The following DPF3 variants were observed in gnomAD, a reference collection of about 807,000 sequenced individuals.
DPF3 encodes zinc finger protein DPF3.
A neutral mutation model predicts 56.8 loss-of-function variants in DPF3; 18 were observed. That is an observed-to-expected ratio of 0.32 (90% CI 0.22 to 0.47). The LOEUF (loss-of-function observed/expected upper bound fraction) is 0.47. Among genes scored for constraint, DPF3 ranks in the 20% least tolerant of loss-of-function variants. The pLI, the probability that DPF3 is intolerant of heterozygous loss-of-function variation, is 1.00. For missense variants in DPF3, 403 were observed against 488.8 expected (o/e 0.82, Z 1.65); for synonymous variants, 188 against 180.2 (o/e 1.04, Z -0.35).
intron 4 of DPF3, among the ~76,000 whole-genome samples, chr14:72,724,612 G>T (rs1889317311): frequency 6.6e-6 from 1 of 152,040 alleles, no homozygotes; most frequent in Non-Finnish European, 1.5e-5. Flanking sequence ...ATAAAAGACT[G>T]TAGCAGAGGA....
chr14:72,647,144 G>C (rs1885751294), intron 8 of DPF3, among the ~76,000 whole-genome samples: 1 of 152,194 alleles, frequency 6.6e-6, no homozygotes, highest in Non-Finnish European at 1.5e-5. Context: ...TCTATTATGA[G>C]GATCAAGACC....
intron 8 of DPF3, among the ~76,000 whole-genome samples, chr14:72,664,263 C>A (rs772862247): frequency 6.6e-6 from 1 of 152,114 alleles, no homozygotes; most frequent in Non-Finnish European, 1.5e-5. Context: ...TTACCTGCCA[C>A]TCTGTAGTGA....
intron 5 of DPF3, among the ~76,000 whole-genome samples, chr14:72,720,400 A>G (rs1455400472): frequency 6.6e-6 from 1 of 152,186 alleles, no homozygotes; most frequent in Non-Finnish European, 1.5e-5. Context: ...CAGCAGCTTC[A>G]CACACCCCAG....
In DPF3 at chr14:72,614,893, C is replaced by T. The variant is rs1204722176; in HGVS notation, c.*4404G>A. 6.6e-6 allele frequency among the ~76,000 whole-genome samples: 1 copy of T among 151,596 alleles called. No homozygotes were observed. Among genetic ancestry groups the T allele is most frequent in the Non-Finnish European group, 1.5e-5 (1 of 67,912 alleles). ...TCTCTGCCTTTTTCCACCAGAGATC[C>T]TCACCCCTCCCAAATGCCCTCCCAC... is the stretch of plus-strand genomic sequence containing the variant. On this transcript the variant is annotated 3_prime_UTR_variant, in exon 11 of 11. Coordinates refer to ENST00000556509, the MANE Select transcript of DPF3 (RefSeq NM_001280542.3).
intron 1 of DPF3, among the ~76,000 whole-genome samples, chr14:72,854,300 G>C (rs1885098153): frequency 6.8e-6 from 1 of 146,488 alleles, no homozygotes; most frequent in Non-Finnish European, 1.5e-5. Flanking sequence ...AGGTTGCAGT[G>C]AGCCGAGATC....
At chr14:72,758,661 T>C (rs1002018282) in intron 2 of DPF3, among the ~76,000 whole-genome samples, 1 of 152,164 alleles carries the variant, frequency 6.6e-6, no homozygotes, top group Admixed American at 6.5e-5. Context: ...ATAGTCTGTT[T>C]CCACCAGCCA....
In DPF3 at chr14:72,824,876, C is replaced by G. The variant is rs140847002; in HGVS notation, c.33-52983G>C. ...CGTGAGCTACCACGACCAGCCTACG[C>G]TTTCCTATATGCCTTTTTTTTTATT... On this transcript the variant is annotated intron_variant, in intron 1 of 10. Coordinates refer to ENST00000556509, the MANE Select transcript of DPF3 (RefSeq NM_001280542.3). Among the ~76,000 whole-genome samples, 251 of 151,784 alleles carry G rather than the reference C, an allele frequency of 1.7e-3. 4 individuals are homozygous for G. Among genetic ancestry groups the G allele is most frequent in the Middle Eastern group, 6.8e-3 (2 of 292 alleles).
At chr14:72,867,134 C>T (rs977863910) in intron 1 of DPF3, among the ~76,000 whole-genome samples, 14 of 151,940 alleles carry the variant, frequency 9.2e-5, no homozygotes, top group African/African-American at 3.4e-4. Flanking sequence ...CGGGCTCCAA[C>T]AATCCTCCCA....
intron 6 of DPF3, among the ~76,000 whole-genome samples, chr14:72,694,516 G>A (rs1397250390): frequency 6.6e-6 from 1 of 152,212 alleles, no homozygotes; most frequent in Non-Finnish European, 1.5e-5. Flanking sequence ...CAGAAGTGCT[G>A]TCATCCAGTC....
chr14:72,635,425 T>C (rs1248525078), intron 8 of DPF3, among the ~76,000 whole-genome samples: 1 of 152,216 alleles, frequency 6.6e-6, no homozygotes, highest in African/African-American at 2.4e-5. Context: ...GCTGAAAATG[T>C]TCAAGGGACA....
At chr14:72,806,963 A>G (rs1388778465) in intron 1 of DPF3, 1 of 152,190 alleles carries the variant, frequency 6.6e-6, no homozygotes, top group African/African-American at 2.4e-5. Flanking sequence ...TGCCCCCTCC[A>G]TTCCCCAGGA....
At chr14:72,816,552 C>T (rs1883294673) in intron 1 of DPF3, among the ~76,000 whole-genome samples, 1 of 152,050 alleles carries the variant, frequency 6.6e-6, no homozygotes, top group Non-Finnish European at 1.5e-5. Flanking sequence ...GGCAAACCCC[C>T]CACCTAGCTG....
At chr14:72,883,992 T>C (rs1886419555) in intron 1 of DPF3, among the ~76,000 whole-genome samples, 2 of 150,260 alleles carry the variant, frequency 1.3e-5, no homozygotes, top group Non-Finnish European at 1.5e-5. Flanking sequence ...TGCCAACAGC[T>C]CACTCTCCTT....
chr14:72,633,264 G>A (rs1176935152), intron 8 of DPF3, among the ~76,000 whole-genome samples: 1 of 152,164 alleles, frequency 6.6e-6, no homozygotes, highest in Non-Finnish European at 1.5e-5. Flanking sequence ...GAAATGTTGA[G>A]TGGATAGTTG....
intron 2 of DPF3, among the ~76,000 whole-genome samples, chr14:72,771,080 G>A (rs1241000131): frequency 6.6e-6 from 1 of 151,848 alleles, no homozygotes; most frequent in Non-Finnish European, 1.5e-5. Context: ...GGAGGCTGAA[G>A]CATGAGAATC....
intron 1 of DPF3, among the ~76,000 whole-genome samples, chr14:72,794,109 C>T (rs530847352): frequency 4.5e-4 from 68 of 152,346 alleles, no homozygotes; most frequent in African/African-American, 1.5e-3. Context: ...CAGCTCCTTG[C>T]TTACTTGCTG....
At chr14:72,627,004 A>G (rs769977082) in intron 9 of DPF3, among the ~76,000 whole-genome samples, 2 of 147,068 alleles carry the variant, frequency 1.4e-5, no homozygotes, top group Non-Finnish European at 3.0e-5. Context: ...CTCATTTCCT[A>G]TCAGGTTTCT....
chr14:72,867,426 T>C (rs1175624290), intron 1 of DPF3, among the ~76,000 whole-genome samples: 1 of 152,012 alleles, frequency 6.6e-6, no homozygotes, highest in East Asian at 1.9e-4. Context: ...GGTTCCTAGA[T>C]CTATTATTCC....
intron 1 of DPF3, among the ~76,000 whole-genome samples, chr14:72,807,651 A>G (rs1882843127): frequency 6.6e-6 from 1 of 152,236 alleles, no homozygotes; most frequent in Non-Finnish European, 1.5e-5. Flanking sequence ...AGTTTTTAAC[A>G]ACCAACTCTC....
Sources: allele counts gnomAD v4.1 joint callset (sites outside exome capture counted in the v4.1 genomes callset), GRCh38; gene constraint gnomAD v4.1.1; transcripts MANE v1.5; gene names NCBI Gene and HGNC (gene_info 2026-07-23, HGNC 2026-07-21).